Variants in ATG10 observed in about 807,000 individuals in gnomAD.
ATG10 encodes the protein ubiquitin-like-conjugating enzyme ATG10.
In ATG10, 30 loss-of-function variants were observed where a neutral mutation model predicts 32.1. The ratio of observed to expected loss-of-function variants is 0.94; its 90% CI spans 0.70 to 1.27. The LOEUF (loss-of-function observed/expected upper bound fraction) is 1.27, where lower values mean the gene tolerates loss of function less well. Among genes scored for constraint, ATG10 ranks in the 50% most tolerant of loss-of-function variants. ATG10 has a pLI of 0.00. For synonymous variants in ATG10, 87 were observed against 91.5 expected, an observed-to-expected ratio of 0.95 and a Z score of 0.28; for missense variants, 233 against 262.3, an observed-to-expected ratio of 0.89 and a Z score of 0.77.
chr5:82,249,285 A>T (rs1747149279), intron 5 of ATG10, among the ~76,000 whole-genome samples: 2 of 152,214 alleles, frequency 1.3e-5, no homozygotes. Context: ...TAGACCTTTT[A>T]CTAATTCAGA....
At chr5:82,101,557 G>A (rs1765275213) in intron 3 of ATG10, among the ~76,000 whole-genome samples, 1 of 152,110 alleles carries the variant, frequency 6.6e-6, no homozygotes, top group South Asian at 2.1e-4. Context: ...CAAATAGCTT[G>A]GTATAGCATG....
At chr5:81,986,011 C>T (rs1009764903) in intron 1 of ATG10, among the ~76,000 whole-genome samples, 46 of 152,170 alleles carry the variant, frequency 3.0e-4, no homozygotes, top group Admixed American at 2.0e-3. Context: ...GATCCGCCTG[C>T]CTCGGCCTCC....
rs537952921 is a variant in ATG10, at chr5:82,250,838, T to C, written c.454-1724T>C. ...ACACATAAAAAAGATGATTGATTAATATATGTTGAATTGCTAAATATTAGT... is the reference window on the plus strand; with the variant it reads ...ACACATAAAAAAGATGATTGATTAACATATGTTGAATTGCTAAATATTAGT... On this transcript the variant is annotated intron_variant, in intron 5 of 7. Coordinates refer to ENST00000282185, the MANE Select transcript of ATG10 (RefSeq NM_031482.5). 2.6e-5 allele frequency among the ~76,000 whole-genome samples: 4 copies of C among 152,352 alleles called. No individual in the cohort carries two copies. The South Asian group carries it at 6.2e-4, about 24-fold the overall frequency.
At chr5:82,105,380 C>T (rs927070414) in intron 3 of ATG10, among the ~76,000 whole-genome samples, 2 of 151,876 alleles carry the variant, frequency 1.3e-5, no homozygotes, top group African/African-American at 2.4e-5. Context: ...CTTGTTGTAT[C>T]ATTTGGAATA....
At chr5:82,167,573 GA>G (rs1349424170) in intron 4 of ATG10, among the ~76,000 whole-genome samples, 1 of 152,174 alleles carries the variant, frequency 6.6e-6, no homozygotes, top group African/African-American at 2.4e-5. Flanking sequence ...GGAGACCTAA[GA>G]CCCAAACCAT....
intron 3 of ATG10, among the ~76,000 whole-genome samples, chr5:82,079,504 T>C (rs1422487690): frequency 9.2e-5 from 14 of 152,156 alleles, no homozygotes; most frequent in Non-Finnish European, 2.9e-5. Context: ...CTCCTAGTGC[T>C]ATCCCTCCCC....
At position 82,253,310 on chromosome 5, in the gene ATG10, C is replaced by T; in HGVS notation, c.552-4C>T. The T allele has an allele frequency of 6.3e-7, 1 of 1,596,026 alleles. No individual in the cohort carries two copies. The highest frequency in any genetic ancestry group is 1.7e-5 in the Admixed American group (1 of 59,938). On this transcript the variant is annotated splice_region_variant and splice_polypyrimidine_tract_variant and intron_variant, in intron 6 of 7. Transcript: ENST00000282185. ...GCATGGCCTGTATTTCACTTGTTTCCTAGGAATGTCAACTATATCACATCA... is the reference window on the plus strand; with the variant it reads ...GCATGGCCTGTATTTCACTTGTTTCTTAGGAATGTCAACTATATCACATCA...
intron 3 of ATG10, among the ~76,000 whole-genome samples, chr5:82,062,588 A>G (rs1276036540): frequency 6.6e-6 from 1 of 152,178 alleles, no homozygotes; most frequent in Non-Finnish European, 1.5e-5. Flanking sequence ...TTATCTTTTT[A>G]TGGTTATCTC....
intron 5 of ATG10, among the ~76,000 whole-genome samples, chr5:82,212,031 C>T (rs1025954757): frequency 1.2e-4 from 19 of 152,244 alleles, no homozygotes; most frequent in African/African-American, 2.4e-4. Flanking sequence ...TGAATCTCAA[C>T]GGACATGCAA....
chr5:82,045,833 G>A (rs561490284), intron 2 of ATG10, among the ~76,000 whole-genome samples: 5 of 151,916 alleles, frequency 3.3e-5, no homozygotes, highest in African/African-American at 1.2e-4. Flanking sequence ...TGAGTTTGCC[G>A]TGTGTCTGGT....
At chr5:82,197,459 T>C (rs1042142526) in intron 5 of ATG10, among the ~76,000 whole-genome samples, 14 of 148,618 alleles carry the variant, frequency 9.4e-5, no homozygotes, top group African/African-American at 3.5e-4. Flanking sequence ...TATCTGTCTA[T>C]CTACCTACCT....
At chr5:81,995,726 G>A (rs947663677) in intron 2 of ATG10, among the ~76,000 whole-genome samples, 1 of 152,156 alleles carries the variant, frequency 6.6e-6, no homozygotes, top group East Asian at 1.9e-4. Flanking sequence ...GGCAGGCAAT[G>A]CCACCCTGTA....
intron 5 of ATG10, among the ~76,000 whole-genome samples, chr5:82,214,419 A>C (rs930736847): frequency 2.0e-5 from 3 of 152,226 alleles, no homozygotes; most frequent in Non-Finnish European, 1.5e-5. Flanking sequence ...TAGTAGCAGC[A>C]AACGAAGACT....
intron 3 of ATG10, among the ~76,000 whole-genome samples, chr5:82,106,405 A>G (rs12515069): frequency 0.47 from 71,038 of 151,828 alleles, 17,692 homozygotes; most frequent in East Asian, 0.79. Context: ...AGGTTGGGCA[A>G]TAGAGCCCTA....
intron 3 of ATG10, among the ~76,000 whole-genome samples, chr5:82,113,659 A>G (rs566758014): frequency 6.6e-6 from 1 of 152,160 alleles, no homozygotes; most frequent in South Asian, 2.1e-4. Context: ...TGAGTGCTAG[A>G]AATTACTACT....
At chr5:82,198,986 G>A (rs2149959077) in intron 5 of ATG10, among the ~76,000 whole-genome samples, 1 of 152,242 alleles carries the variant, frequency 6.6e-6, no homozygotes, top group African/African-American at 2.4e-5. Flanking sequence ...TCCTGAAAAT[G>A]TTCCAGTTAA....
intron 3 of ATG10, among the ~76,000 whole-genome samples, chr5:82,077,760 G>C (rs888022465): frequency 5.9e-5 from 9 of 152,142 alleles, no homozygotes; most frequent in African/African-American, 2.2e-4. Flanking sequence ...TCCTGTCTGT[G>C]GCACTTCGTT....
intron 5 of ATG10, among the ~76,000 whole-genome samples, chr5:82,215,678 G>A (rs1245822340): frequency 1.3e-5 from 2 of 152,126 alleles, no homozygotes; most frequent in African/African-American, 4.8e-5. Context: ...GCTCACACCT[G>A]TAATCCCAGC....
At chr5:82,222,743 G>T (rs1745979210) in intron 5 of ATG10, among the ~76,000 whole-genome samples, 6 of 152,172 alleles carry the variant, frequency 3.9e-5, no homozygotes, top group Admixed American at 3.9e-4. Context: ...CCCAGGTCTG[G>T]GAAGGCAGAA....
Sources: allele counts gnomAD v4.1 joint callset (sites outside exome capture counted in the v4.1 genomes callset), GRCh38; gene constraint gnomAD v4.1.1; transcripts MANE v1.5; gene names NCBI Gene and HGNC (gene_info 2026-07-23, HGNC 2026-07-21).